CCDC62: variants seen among roughly 807,000 people sequenced by gnomAD.
The protein encoded by CCDC62 is coiled-coil domain-containing protein 62.
In CCDC62, 72 loss-of-function variants were observed where a neutral mutation model predicts 80.8. The observed-to-expected ratio is 0.89, with a 90% CI of 0.74 to 1.08. The LOEUF is 1.08. CCDC62 is among the 50% of genes least tolerant of loss of function. CCDC62 has a pLI of 0.00. For synonymous variants in CCDC62, 286 were observed against 296.5 expected (o/e 0.96, Z 0.36); for missense variants, 704 against 809.4 (o/e 0.87, Z 1.58).
intron 1 of CCDC62, among the ~76,000 whole-genome samples, chr12:122,776,126 G>A (rs1216704960): frequency 1.3e-5 from 2 of 152,318 alleles, no homozygotes; most frequent in East Asian, 3.9e-4. Context: ...ATTACAACGG[G>A]CCAGGCTTTG....
At chr12:122,793,655 A>G (rs2135548189) in intron 6 of CCDC62, among the ~76,000 whole-genome samples, 1 of 152,144 alleles carries the variant, frequency 6.6e-6, no homozygotes, top group East Asian at 1.9e-4. Flanking sequence ...GGGTCTCACT[A>G]TGTTGCCCAG....
At chr12:122,793,026 A>G (rs1488065922) in intron 6 of CCDC62, among the ~76,000 whole-genome samples, 6 of 152,160 alleles carry the variant, frequency 3.9e-5, no homozygotes, top group African/African-American at 1.4e-4. Context: ...AACCCCTCGC[A>G]AGTCAAAAAT....
chr12:122,821,894 A>G (rs1440389275), intron 11 of CCDC62, among the ~76,000 whole-genome samples: 1 of 152,078 alleles, frequency 6.6e-6, no homozygotes, highest in African/African-American at 2.4e-5. Flanking sequence ...TGTAGTGGAA[A>G]GATTTAGAAC....
chr12:122,789,041 C>A (rs1354386321), intron 5 of CCDC62, 112 bp downstream of exon 5: 8 of 767,158 alleles, frequency 1.0e-5, no homozygotes, highest in South Asian at 2.3e-5. Flanking sequence ...TGGCCTTAGA[C>A]CCTAACGTGA....
chr12:122,789,190 G>A (rs1442394634), intron 5 of CCDC62, among the ~76,000 whole-genome samples: 1 of 152,112 alleles, frequency 6.6e-6, no homozygotes, highest in African/African-American at 2.4e-5. Flanking sequence ...ATTAGCTATC[G>A]CTAATACATG....
At chr12:122,778,979 C>T (rs985311887) in intron 2 of CCDC62, among the ~76,000 whole-genome samples, 8 of 152,190 alleles carry the variant, frequency 5.3e-5, no homozygotes, top group African/African-American at 1.7e-4. Flanking sequence ...CGTATATACA[C>T]ACAGTGTTTA....
intron 11 of CCDC62, among the ~76,000 whole-genome samples, chr12:122,817,233 T>TTTTTTTTG (rs2032206883): frequency 6.7e-6 from 1 of 149,224 alleles, no homozygotes; most frequent in African/African-American, 2.5e-5. Context: ...TTTTTTTTTT[T>TTTTTTTTG]GGATTTTTAG....
At chr12:122,781,806 G>A (rs1016924181) in intron 3 of CCDC62, among the ~76,000 whole-genome samples, 1 of 152,180 alleles carries the variant, frequency 6.6e-6, no homozygotes, top group Non-Finnish European at 1.5e-5. Context: ...GGGAGGCTGA[G>A]GTGGGAGGAT....
chr12:122,796,026 T>G (rs1041066367), intron 6 of CCDC62, among the ~76,000 whole-genome samples: 1 of 152,214 alleles, frequency 6.6e-6, no homozygotes, highest in Non-Finnish European at 1.5e-5. Flanking sequence ...CAATCCACTT[T>G]GATCTCTCAG....
At chr12:122,784,650 G>T (rs988313988) in intron 3 of CCDC62, among the ~76,000 whole-genome samples, 27 of 152,134 alleles carry the variant, frequency 1.8e-4, no homozygotes, top group Admixed American at 1.3e-3. Flanking sequence ...GGGCAACATA[G>T]CGAGACCCTC....
intron 11 of CCDC62, among the ~76,000 whole-genome samples, chr12:122,817,042 T>TTTTATTTATTTA (rs371995378): frequency 0.03 from 4,565 of 150,280 alleles, 240 homozygotes; most frequent in African/African-American, 0.11. Flanking sequence ...TATTTTTAAA[T>TTTTATTTATTTA]TTTATTTATT....
In CCDC62 at chr12:122,812,780, A is replaced by AG. The variant is rs1491391599; in HGVS notation, c.1852-490_1852-489insG. Among the ~76,000 whole-genome samples, 547 of 83,190 alleles carry AG rather than the reference A, an allele frequency of 6.6e-3. 10 individuals carry two copies. The highest frequency in any genetic ancestry group is 0.028 in the African/African-American group (409 of 14,636). 54.6% of individuals were successfully genotyped at this position (83,190 alleles called of 152,430 possible). On this transcript the variant is annotated intron_variant, in intron 10 of 12. Coordinates refer to ENST00000253079, the MANE Select transcript of CCDC62 (RefSeq NM_201435.5). ...GGGAGAGAGAGAGAGAGAGAGAGAG[A>AG]AAGAAAGAAAGAAAGAAAGAAAGAA...
At chr12:122,799,659 CAAG>C (rs1215005198) in intron 8 of CCDC62, among the ~76,000 whole-genome samples, 1 of 152,190 alleles carries the variant, frequency 6.6e-6, no homozygotes, top group Non-Finnish European at 1.5e-5. Context: ...CAAAATTTTA[CAAG>C]AAGTCTTTGA....
At chr12:122,818,846 C>G (rs560760171) in intron 11 of CCDC62, among the ~76,000 whole-genome samples, 1 of 151,848 alleles carries the variant, frequency 6.6e-6, no homozygotes, top group Non-Finnish European at 1.5e-5. Context: ...GACTTTGAGC[C>G]CAGGAGTTCG....
chr12:122,780,970 C>T (rs1879819519), intron 2 of CCDC62, among the ~76,000 whole-genome samples, 194 bp from the exon 3 acceptor site: 1 of 152,136 alleles, frequency 6.6e-6, no homozygotes, highest in African/African-American at 2.4e-5. Context: ...AAGTGACCTC[C>T]AGAGGCTTCC....
intron 11 of CCDC62, among the ~76,000 whole-genome samples, chr12:122,819,171 C>CG (rs1417736284): frequency 1.3e-5 from 2 of 152,174 alleles, no homozygotes; most frequent in African/African-American, 4.8e-5. Context: ...CCTGGCAACA[C>CG]GCTTTACAAA....
chr12:122,789,011 C>A, intron 5 of CCDC62, 82 bp downstream of exon 5: 1 of 1,101,684 alleles, frequency 9.1e-7, no homozygotes, highest in Non-Finnish European at 1.3e-6. Context: ...TAATCTTATG[C>A]TTGAGAGTAG....
rs542735464 is a variant in CCDC62 at position 122,808,222 on chromosome 12, G to A, written c.1851+1927G>A. 5.9e-5 allele frequency among the ~76,000 whole-genome samples: 9 copies of A among 152,130 alleles called. No homozygotes were observed. The East Asian group carries it at 1.4e-3, about 23-fold the overall frequency. On this transcript the variant is annotated intron_variant, in intron 10 of 12. Transcript: ENST00000253079. ...TGAGGCAGAAGAATTGCTTAAACCC[G>A]GGAGGCAGGGGTTGCAGTGAACCAA... is the stretch of plus-strand genomic sequence containing the variant.
intron 5 of CCDC62, among the ~76,000 whole-genome samples, chr12:122,790,649 C>T (rs2135543796): frequency 6.6e-6 from 1 of 152,122 alleles, no homozygotes; most frequent in South Asian, 2.1e-4. Context: ...GAGCAAGATC[C>T]TGCCTCAAAA....
Sources: allele counts gnomAD v4.1 joint callset (sites outside exome capture counted in the v4.1 genomes callset), GRCh38; gene constraint gnomAD v4.1.1; transcripts MANE v1.5; gene names NCBI Gene and HGNC (gene_info 2026-07-23, HGNC 2026-07-21).